The following CSNK1G1 variants were observed in gnomAD, a reference collection of about 807,000 sequenced individuals.
The protein encoded by CSNK1G1 is casein kinase 1 gamma 1.
In CSNK1G1, 22 loss-of-function variants were observed where a neutral mutation model predicts 59.6. The observed-to-expected ratio is 0.37, with a 90% confidence interval of 0.26 to 0.53. The LOEUF (loss-of-function observed/expected upper bound fraction) is 0.53. CSNK1G1 is among the 20% of genes least tolerant of loss of function. The pLI, the probability that CSNK1G1 is intolerant of heterozygous loss-of-function variation, is 0.89. For missense variants in CSNK1G1, 384 were observed against 519.5 expected (o/e 0.74, Z 2.54); for synonymous variants, 179 against 177.1 (o/e 1.01, Z -0.08).
chr15:64,261,541 T>C (rs62021610), intron 2 of CSNK1G1, among the ~76,000 whole-genome samples: 29,361 of 150,958 alleles, frequency 0.19, 3,913 homozygotes, highest in African/African-American at 0.39. Context: ...GCAGAGGTTG[T>C]GGTGAGCTGA....
intron 2 of CSNK1G1, among the ~76,000 whole-genome samples, chr15:64,276,871 C>G (rs1319239733): frequency 5.3e-5 from 8 of 149,730 alleles, no homozygotes; most frequent in Non-Finnish European, 8.9e-5. Context: ...GGTGTGAACC[C>G]GGGAGGCAGA....
At position 64,335,350 on chromosome 15, in the gene CSNK1G1, T is replaced by C. The variant is rs538614042; in HGVS notation, c.-225+20638A>G. Among the ~76,000 whole-genome samples the C allele has an allele frequency of 5.3e-5, 8 of 152,306 alleles. No homozygotes were observed. In the South Asian group the frequency reaches 1.7e-3, roughly 32 times the overall value. On this transcript the variant is annotated intron_variant, in intron 1 of 11. Coordinates refer to ENST00000303052, the MANE Select transcript of CSNK1G1 (RefSeq NM_022048.5). Reference sequence around the variant, plus strand: ...TTGAGGAGCCACAGACACTTCTTACTGGCATAAAAATAAAGTACCACAAAG... The same window carrying C: ...TTGAGGAGCCACAGACACTTCTTACCGGCATAAAAATAAAGTACCACAAAG...
At chr15:64,336,883 C>T (rs573386630) in intron 1 of CSNK1G1, among the ~76,000 whole-genome samples, 7 of 152,158 alleles carry the variant, frequency 4.6e-5, no homozygotes, top group South Asian at 2.1e-4. Context: ...GTCTTTTTAA[C>T]GTATTATTTA....
chr15:64,344,264 C>A (rs1897827461), intron 1 of CSNK1G1, among the ~76,000 whole-genome samples: 1 of 152,138 alleles, frequency 6.6e-6, no homozygotes, highest in African/African-American at 2.4e-5. Flanking sequence ...AACAGATGTG[C>A]ATCCTTCAAG....
At chr15:64,273,563 T>C (rs1893441919) in intron 2 of CSNK1G1, among the ~76,000 whole-genome samples, 1 of 152,066 alleles carries the variant, frequency 6.6e-6, no homozygotes, top group Non-Finnish European at 1.5e-5. Flanking sequence ...TGCAAGGTAT[T>C]TTGAAGGAAA....
intron 6 of CSNK1G1, among the ~76,000 whole-genome samples, chr15:64,212,997 C>T (rs558796090): frequency 6.6e-6 from 1 of 152,184 alleles, no homozygotes; most frequent in Non-Finnish European, 1.5e-5. Flanking sequence ...TAGAGCGAGA[C>T]TACATCTCAA....
chr15:64,292,926 C>CATAAATAA (rs199808127), intron 2 of CSNK1G1, among the ~76,000 whole-genome samples: 8 of 151,898 alleles, frequency 5.3e-5, no homozygotes, highest in Non-Finnish European at 1.0e-4. Context: ...GACTCCATCT[C>CATAAATAA]ATAAATAAAT....
chr15:64,310,552 TA>T (rs5813293), intron 1 of CSNK1G1, among the ~76,000 whole-genome samples: 136,939 of 145,400 alleles, frequency 0.94, 64,783 homozygotes, highest in South Asian at 0.99. Context: ...TGTGTCTCTA[TA>T]AAAAAAAAAA....
intron 10 of CSNK1G1, among the ~76,000 whole-genome samples, chr15:64,184,506 G>A (rs531249685): frequency 4.6e-5 from 7 of 151,074 alleles, no homozygotes; most frequent in Non-Finnish European, 7.4e-5. Context: ...GTGAAACCCC[G>A]TCTCTATTAA....
intron 2 of CSNK1G1, among the ~76,000 whole-genome samples, chr15:64,278,797 G>T (rs1262469396): frequency 6.6e-6 from 1 of 152,124 alleles, no homozygotes; most frequent in African/African-American, 2.4e-5. Context: ...AGTATAATGA[G>T]AACTTCATAG....
intron 2 of CSNK1G1, among the ~76,000 whole-genome samples, chr15:64,293,828 G>C (rs1271685155): frequency 1.3e-5 from 2 of 152,094 alleles, no homozygotes; most frequent in East Asian, 3.8e-4. Context: ...ATGATCTAGG[G>C]TGGAACAGTT....
chr15:64,184,114 T>C (rs2081857252), intron 10 of CSNK1G1, among the ~76,000 whole-genome samples: 1 of 151,726 alleles, frequency 6.6e-6, no homozygotes, highest in African/African-American at 2.4e-5. Flanking sequence ...CCATCCTGAC[T>C]AACACGGTGA....
intron 2 of CSNK1G1, among the ~76,000 whole-genome samples, chr15:64,273,275 C>CAA (rs1229772722): frequency 6.6e-6 from 1 of 151,982 alleles, no homozygotes; most frequent in African/African-American, 2.4e-5. Flanking sequence ...TAAGCATGTA[C>CAA]AATTATTATG....
At chr15:64,220,624 G>A (rs2140275242) in intron 4 of CSNK1G1, among the ~76,000 whole-genome samples, 1 of 152,118 alleles carries the variant, frequency 6.6e-6, no homozygotes, top group East Asian at 1.9e-4. Context: ...AGCCTCCTGA[G>A]TAGCTGGGAC....
At chr15:64,266,453 A>C (rs1892992879) in intron 2 of CSNK1G1, among the ~76,000 whole-genome samples, 1 of 152,174 alleles carries the variant, frequency 6.6e-6, no homozygotes, top group South Asian at 2.1e-4. Flanking sequence ...ACCCAAAGCG[A>C]TCTACAAGAT....
intron 2 of CSNK1G1, among the ~76,000 whole-genome samples, chr15:64,282,436 T>TATATCTTTTTGTAG (rs1015033845): frequency 5.3e-5 from 8 of 152,058 alleles, no homozygotes; most frequent in Non-Finnish European, 1.2e-4. Context: ...GGTTAATTTT[T>TATATCTTTTTGTAG]ATATCTTTTT....
intron 4 of CSNK1G1, among the ~76,000 whole-genome samples, chr15:64,250,935 T>G (rs1014124127): frequency 1.3e-5 from 2 of 152,214 alleles, no homozygotes; most frequent in African/African-American, 2.4e-5. Flanking sequence ...AACATTTTTC[T>G]GGAAGCCAGT....
chr15:64,226,550 G>A (rs542816987), intron 4 of CSNK1G1, among the ~76,000 whole-genome samples: 7 of 137,148 alleles, frequency 5.1e-5, no homozygotes, highest in Admixed American at 2.9e-4. Context: ...GCAAGATTCC[G>A]TCTCAAAACA....
At chr15:64,325,880 G>A (rs1295045297) in intron 1 of CSNK1G1, among the ~76,000 whole-genome samples, 1 of 152,190 alleles carries the variant, frequency 6.6e-6, no homozygotes, top group Non-Finnish European at 1.5e-5. Context: ...CAGAGAGTTA[G>A]TTCAAACTCA....
Sources: allele counts gnomAD v4.1 joint callset (sites outside exome capture counted in the v4.1 genomes callset), GRCh38; gene constraint gnomAD v4.1.1; transcripts MANE v1.5; gene names NCBI Gene and HGNC (gene_info 2026-07-23, HGNC 2026-07-21).